Variants in PGM3 observed in about 807,000 individuals in gnomAD.
The protein encoded by PGM3 is phosphoglucomutase 3.
A neutral mutation model predicts 66.2 loss-of-function variants in PGM3; 40 were observed. The observed-to-expected ratio is 0.60, with a 90% CI of 0.47 to 0.79. The LOEUF (loss-of-function observed/expected upper bound fraction) is 0.79. Ranked by LOEUF, PGM3 falls within the 30% of genes least tolerant of loss-of-function variation. The pLI, the probability that PGM3 is intolerant of heterozygous loss-of-function variation, is 0.00. For missense variants in PGM3, 537 were observed against 643.4 expected (o/e 0.83, Z 1.79); for synonymous variants, 191 against 224.2 (o/e 0.85, Z 1.32).
At position 83,166,618 on chromosome 6, in the gene PGM3, A is replaced by G. The variant is rs973357650; in HGVS notation, c.*2616T>C. 1.3e-6 allele frequency: 1 copy of G among 764,756 alleles called. No individual in the cohort carries two copies. The highest frequency in any genetic ancestry group is 1.9e-6 in the Non-Finnish European group (1 of 524,806). The allele number at this position is 764,756 out of a possible 1,614,324, so 47.4% of individuals were successfully genotyped here. A position where few individuals can be genotyped will look rare whatever the true frequency, so the allele number is the denominator to read the frequency against. ...ATAACATAACCACATTTATTTAAGA[A>G]TGTACTCCAATATAAAACGGCAAAT... On this transcript the variant is annotated 3_prime_UTR_variant, in exon 13 of 13. Transcript: ENST00000513973.
At chr6:83,192,894 C>T (rs1789251645) in intron 1 of PGM3, among the ~76,000 whole-genome samples, 1 of 152,206 alleles carries the variant, frequency 6.6e-6, no homozygotes, top group Non-Finnish European at 1.5e-5. Context: ...CTCCCGCCTA[C>T]CCTCGAATCA....
At position 83,165,678 on chromosome 6, in the gene PGM3, A is replaced by G; in HGVS notation, c.*3556T>C. 4.7e-6 allele frequency: 1 copy of G among 213,074 alleles called. No homozygotes were observed. The highest frequency in any genetic ancestry group is 5.0e-5 in the Admixed American group (1 of 20,200). The allele number at this position is 213,074 out of a possible 1,614,324, so 13.2% of individuals were successfully genotyped here. A position where few individuals can be genotyped will look rare whatever the true frequency, so the allele number is the denominator to read the frequency against. On this transcript the variant is annotated 3_prime_UTR_variant, in exon 13 of 13. Transcript: ENST00000513973. ...CAAAACGTTGCTGAGATGCCTAAAG[A>G]AGTGGTAGTTTGTTGGCAAGAGGTC...
downstream of PGM3, chr6:83,156,232 C>G: frequency 2.9e-6 from 2 of 680,928 alleles, no homozygotes; most frequent in Non-Finnish European, 4.5e-6. Flanking sequence ...AGAAATTTTT[C>G]TACTGAAACA....
At chr6:83,159,714 T>C (rs59285083), downstream of PGM3, 64 of 1,477,426 alleles carry the variant, frequency 4.3e-5, no homozygotes, top group Non-Finnish European at 5.5e-5. Context: ...ATGAAAAATA[T>C]TAGCTGGTAC....
chr6:83,187,600 T>C (rs575573765), intron 3 of PGM3, among the ~76,000 whole-genome samples: 5 of 152,270 alleles, frequency 3.3e-5, no homozygotes, highest in Non-Finnish European at 5.9e-5. Flanking sequence ...GATCACAAGA[T>C]TGAGACCATC....
At chr6:83,187,126 G>C in intron 3 of PGM3, 51 bp from the exon 4 acceptor site, 1 of 1,222,448 alleles carries the variant, frequency 8.2e-7, no homozygotes, top group African/African-American at 1.5e-5. Flanking sequence ...AACTGGCAGG[G>C]TTGCTGGTTC....
intron 5 of PGM3, among the ~76,000 whole-genome samples, chr6:83,182,275 G>T (rs1788230800): frequency 6.6e-6 from 1 of 152,230 alleles, no homozygotes; most frequent in East Asian, 1.9e-4. Flanking sequence ...GGGCAGTAAT[G>T]ACATGTCATT....
rs544688632 is a variant in PGM3, at chr6:83,168,144, C to G, written c.*1090G>C. The stretch of plus-strand genomic sequence containing the variant: ...AGAAGAGATGGTAGAAAAAGATTTT[C>G]TGGAAGGGATGATAAAAACTTGAGC... On this transcript the variant is annotated 3_prime_UTR_variant, in exon 13 of 13. Coordinates refer to ENST00000513973, the MANE Select transcript of PGM3 (RefSeq NM_015599.3). 1 of 1,612,382 alleles carries G rather than the reference C, an allele frequency of 6.2e-7. No homozygotes were observed. Among genetic ancestry groups the G allele is most frequent in the Middle Eastern group, 1.6e-4 (1 of 6,068 alleles).
At chr6:83,152,317 A>G in the PGM3 span, 1 of 1,575,580 alleles carries the variant, frequency 6.3e-7, no homozygotes, top group Non-Finnish European at 8.6e-7. Flanking sequence ...GGAAACCGCA[A>G]ACATAACTCC....
At chr6:83,192,115 A>G (rs1455494736) in intron 1 of PGM3, among the ~76,000 whole-genome samples, 2 of 151,924 alleles carry the variant, frequency 1.3e-5, no homozygotes, top group Non-Finnish European at 2.9e-5. Flanking sequence ...AAAATACAAA[A>G]AGTAGCCTGG....
chr6:83,178,499 C>T (rs1291321144), intron 8 of PGM3, among the ~76,000 whole-genome samples, 174 bp downstream of exon 8: 1 of 152,176 alleles, frequency 6.6e-6, no homozygotes, highest in African/African-American at 2.4e-5. Flanking sequence ...AAGAAGTTTT[C>T]CTTTATTCAT....
rs1205835028 is a variant in PGM3, at chr6:83,167,703, C to G, written c.*1531G>C. 17 of 1,394,150 alleles carry G rather than the reference C, an allele frequency of 1.2e-5. No individual in the cohort carries two copies. Among genetic ancestry groups the G allele is most frequent in the Non-Finnish European group, 1.6e-5 (17 of 1,077,248 alleles). 86.4% of individuals were successfully genotyped at this position (1,394,150 alleles called of 1,614,324 possible). A position where few individuals can be genotyped will look rare whatever the true frequency, so the allele number is the denominator to read the frequency against. ...AAACTAATAAATGGCAGTAAAAGGT[C>G]TCAGAAGCACCAAGGGTTTTGATCA... is the stretch of plus-strand genomic sequence containing the variant. On this transcript the variant is annotated 3_prime_UTR_variant, in exon 13 of 13. Transcript: ENST00000513973.
intron 11 of PGM3, 138 bp downstream of exon 11, chr6:83,171,799 G>T: frequency 1.5e-6 from 1 of 675,460 alleles, no homozygotes. Context: ...TGGCCCATAA[G>T]GCCTTATTTT....
At position 83,181,129 on chromosome 6, in the gene PGM3, C is replaced by T. The variant is rs575855923; in HGVS notation, c.787+607G>A. Among the ~76,000 whole-genome samples, 14 of 152,288 alleles carry T rather than the reference C, an allele frequency of 9.2e-5. No homozygotes were observed. The South Asian group carries it at 2.7e-3, about 29-fold the overall frequency. On this transcript the variant is annotated intron_variant, in intron 6 of 12. Coordinates refer to ENST00000513973, the MANE Select transcript of PGM3 (RefSeq NM_015599.3). ...TATAATGCAGATAAATCCAGAACAC[C>T]TCTTACTACAACTAAAATCTGAAGA... is the stretch of plus-strand genomic sequence containing the variant.
At chr6:83,191,602 G>A (rs997394125) in intron 1 of PGM3, among the ~76,000 whole-genome samples, 15 of 152,164 alleles carry the variant, frequency 9.9e-5, no homozygotes, top group Admixed American at 5.2e-4. Flanking sequence ...TTTTCCATTT[G>A]CTAAAAACAA....
downstream of PGM3, among the ~76,000 whole-genome samples, chr6:83,159,442 GTT>G (rs566662199): frequency 7.1e-6 from 1 of 141,112 alleles, no homozygotes. Flanking sequence ...CCTGGCTAGT[GTT>G]TTTTTTTTTT....
chr6:83,150,785 C>T, the PGM3 span, among the ~76,000 whole-genome samples: 1 of 152,094 alleles, frequency 6.6e-6, no homozygotes, highest in African/African-American at 2.4e-5. Context: ...TTCTGTATTA[C>T]AATTTAAGAT....
At chr6:83,191,127 A>G (rs1789008271) in intron 1 of PGM3, 113 bp from the exon 2 acceptor site, 1 of 1,470,112 alleles carries the variant, frequency 6.8e-7, no homozygotes, top group Non-Finnish European at 9.3e-7. Flanking sequence ...AACCTCCTCA[A>G]AGAACCCTAT....
intron 7 of PGM3, among the ~76,000 whole-genome samples, chr6:83,179,609 G>GA (rs747362305): frequency 2.0e-4 from 31 of 152,102 alleles, no homozygotes; most frequent in Middle Eastern, 3.2e-3. Context: ...GTATAAGGAG[G>GA]AAAAGAGTAC....
Sources: gnomAD v4.1 joint callset for allele counts (sites outside exome capture counted in the v4.1 genomes callset) on GRCh38, gnomAD v4.1.1 for gene constraint, MANE v1.5 for transcripts, NCBI Gene and HGNC (gene_info 2026-07-23, HGNC 2026-07-21) for gene names.